The following DIP2B variants were observed in gnomAD, a reference collection of about 807,000 sequenced individuals.
DIP2B encodes the protein disco-interacting protein 2 homolog B.
DIP2B carries 76 observed loss-of-function variants against 198.0 expected under a neutral mutation model. The observed-to-expected ratio is 0.38, with a 90% CI of 0.32 to 0.46. The LOEUF (loss-of-function observed/expected upper bound fraction) is 0.46, where lower values mean the gene tolerates loss of function less well. DIP2B is among the 20% of genes least tolerant of loss of function. The pLI, the probability that DIP2B is intolerant of heterozygous loss-of-function variation, is 0.99. For missense variants in DIP2B, 1,559 were observed against 1,978.4 expected (o/e 0.79, Z 4.02); for synonymous variants, 701 against 739.1 (o/e 0.95, Z 0.84).
chr12:50,522,575 A>G (rs1958130428), intron 1 of DIP2B, among the ~76,000 whole-genome samples: 2 of 152,324 alleles, frequency 1.3e-5, no homozygotes, highest in South Asian at 2.1e-4. Flanking sequence ...CTACACAGAC[A>G]TGGGGAGAAC....
At chr12:50,588,142 TTTTTCTTTTTC>T (rs1220289824) in intron 1 of DIP2B, among the ~76,000 whole-genome samples, 91 of 151,232 alleles carry the variant, frequency 6.0e-4, no homozygotes, top group Non-Finnish European at 1.0e-3. Context: ...TTTTCTTTTT[TTTTTCTTTTTC>T]TTTTTCTTTT....
intron 36 of DIP2B, among the ~76,000 whole-genome samples, chr12:50,740,213 A>G (rs1286404061): frequency 6.6e-6 from 1 of 152,252 alleles, no homozygotes; most frequent in Admixed American, 6.5e-5. Context: ...TGATAGATAT[A>G]TAACTCACTG....
rs1194817751 is a variant in DIP2B at position 50,735,145 on chromosome 12, T to A, written c.4101+15T>A. On this transcript the variant is annotated intron_variant, in intron 34 of 37. Coordinates refer to ENST00000301180, the MANE Select transcript of DIP2B (RefSeq NM_173602.3). ...AGTCTGGAAAGGTAATTTGTTCTGTTGACCATGGGGAAGGTGGGCTGTGTG... is the reference window on the plus strand; with the variant it reads ...AGTCTGGAAAGGTAATTTGTTCTGTAGACCATGGGGAAGGTGGGCTGTGTG... 2 of 1,614,012 alleles carry A rather than the reference T, an allele frequency of 1.2e-6. No individual in the cohort carries two copies. The highest frequency in any genetic ancestry group is 1.7e-6 in the Non-Finnish European group (2 of 1,179,994).
At chr12:50,742,424 CA>C (rs1940267600) in intron 37 of DIP2B, among the ~76,000 whole-genome samples, 2 of 35,070 alleles carry the variant, frequency 5.7e-5, no homozygotes, top group Admixed American at 2.9e-4. Flanking sequence ...AAAAAAAAAC[CA>C]CCTCTGTAGT....
At chr12:50,664,283 ATAAT>A (rs1938707657) in intron 4 of DIP2B, among the ~76,000 whole-genome samples, 1 of 152,218 alleles carries the variant, frequency 6.6e-6, no homozygotes. Context: ...GGCATGGGAA[ATAAT>A]TTGTCTTTTG....
At chr12:50,652,664 A>G (rs2095510639) in intron 3 of DIP2B, among the ~76,000 whole-genome samples, 2 of 152,170 alleles carry the variant, frequency 1.3e-5, no homozygotes. Context: ...AAAAAATGCC[A>G]TTGGGATTTT....
At chr12:50,688,749 C>T (rs772119796) in intron 12 of DIP2B, among the ~76,000 whole-genome samples, 1 of 152,200 alleles carries the variant, frequency 6.6e-6, no homozygotes, top group African/African-American at 2.4e-5. Context: ...GTTCATCACT[C>T]GGTCCTCCTT....
At position 50,721,416 on chromosome 12, in the gene DIP2B, A is replaced by G. The variant is rs200048168; in HGVS notation, c.3166+20A>G. On this transcript the variant is annotated intron_variant, in intron 26 of 37. Coordinates refer to ENST00000301180, the MANE Select transcript of DIP2B (RefSeq NM_173602.3). ...CACCTGGTAAGCATTGGATTGGCAG[A>G]CTAGAGTTTAAGCTCCAATACTAGA... 133 of 1,613,316 alleles carry G rather than the reference A, an allele frequency of 8.2e-5. No individual in the cohort carries two copies. The highest frequency in any genetic ancestry group is 1.1e-4 in the Non-Finnish European group (128 of 1,179,626).
intron 2 of DIP2B, among the ~76,000 whole-genome samples, chr12:50,637,194 G>A (rs754344020): frequency 6.6e-6 from 1 of 152,118 alleles, no homozygotes; most frequent in African/African-American, 2.4e-5. Context: ...ATCACATGGT[G>A]CTGTTGTGAA....
At chr12:50,644,495 T>C (rs1029320279) in intron 3 of DIP2B, among the ~76,000 whole-genome samples, 1 of 152,198 alleles carries the variant, frequency 6.6e-6, no homozygotes, top group African/African-American at 2.4e-5. Context: ...CTGGGAGAGA[T>C]GTCCAAAGTC....
At chr12:50,682,814 C>A (rs541187926) in intron 9 of DIP2B, among the ~76,000 whole-genome samples, 1 of 152,104 alleles carries the variant, frequency 6.6e-6, no homozygotes, top group South Asian at 2.1e-4. Context: ...AAGTAAATTG[C>A]CTTGGGTTTC....
chr12:50,652,154 A>G (rs183292910), intron 3 of DIP2B, among the ~76,000 whole-genome samples: 79 of 152,050 alleles, frequency 5.2e-4, no homozygotes, highest in Admixed American at 5.0e-3. Flanking sequence ...TCTACTAAAA[A>G]TAAAAAAAAT....
At chr12:50,575,560 A>G (rs900945669) in intron 1 of DIP2B, among the ~76,000 whole-genome samples, 4 of 151,988 alleles carry the variant, frequency 2.6e-5, no homozygotes, top group African/African-American at 7.3e-5. Context: ...AGGCCTGGCT[A>G]ATTTCTTATA....
intron 3 of DIP2B, among the ~76,000 whole-genome samples, chr12:50,651,666 A>G (rs4768903): frequency 0.36 from 37,623 of 103,692 alleles, 5,506 homozygotes; most frequent in Non-Finnish European, 0.46. Flanking sequence ...CGGGCTCTCT[A>G]TTGTTCCGTT....
intron 36 of DIP2B, among the ~76,000 whole-genome samples, chr12:50,740,212 T>C (rs995380542): frequency 2.0e-5 from 3 of 152,240 alleles, no homozygotes; most frequent in Non-Finnish European, 4.4e-5. Flanking sequence ...GTGATAGATA[T>C]ATAACTCACT....
intron 3 of DIP2B, among the ~76,000 whole-genome samples, chr12:50,659,166 C>G (rs756918360): frequency 1.1e-4 from 16 of 152,078 alleles, no homozygotes; most frequent in Non-Finnish European, 1.8e-4. Flanking sequence ...TTGAAAAACC[C>G]CTAGAAAGGA....
chr12:50,560,412 A>G (rs959107260), intron 1 of DIP2B, among the ~76,000 whole-genome samples: 7 of 150,778 alleles, frequency 4.6e-5, no homozygotes, highest in Admixed American at 2.0e-4. Context: ...AAAAAAAAGC[A>G]AAAAACTTAG....
chr12:50,660,458 G>A (rs926977145), intron 4 of DIP2B, 139 bp downstream of exon 4: 5 of 951,794 alleles, frequency 5.3e-6, no homozygotes, highest in Non-Finnish European at 5.7e-6. Context: ...CTCTGAGGTG[G>A]CAGATTTTGC....
At chr12:50,726,301 A>G (rs1367151257) in intron 28 of DIP2B, among the ~76,000 whole-genome samples, 2 of 152,220 alleles carry the variant, frequency 1.3e-5, no homozygotes, top group Non-Finnish European at 2.9e-5. Flanking sequence ...CATGGGGGGA[A>G]GCAGAGGAGG....
Sources: gnomAD v4.1 joint callset for allele counts (sites outside exome capture counted in the v4.1 genomes callset) on GRCh38, gnomAD v4.1.1 for gene constraint, MANE v1.5 for transcripts, NCBI Gene and HGNC (gene_info 2026-07-23, HGNC 2026-07-21) for gene names.